PTPRA: variants seen among roughly 807,000 people sequenced by gnomAD.
PTPRA encodes receptor-type tyrosine-protein phosphatase alpha.
In PTPRA, 25 loss-of-function variants were observed where a neutral mutation model predicts 104.8. That is an observed-to-expected ratio of 0.24 (90% CI 0.17 to 0.33). PTPRA has a LOEUF of 0.33. Ranked by LOEUF, PTPRA falls within the 10% of genes least tolerant of loss-of-function variation. The pLI is 1.00. For missense variants in PTPRA, 765 were observed against 1,015.3 expected (o/e 0.75, Z 3.35); for synonymous variants, 323 against 368.9 (o/e 0.88, Z 1.43).
At chr20:3,021,044 G>A (rs939566929) in intron 13 of PTPRA, among the ~76,000 whole-genome samples, 2 of 152,192 alleles carry the variant, frequency 1.3e-5, no homozygotes, top group Non-Finnish European at 2.9e-5. Context: ...CTGAACCAAG[G>A]GAGTGTGGGT....
intron 2 of PTPRA, among the ~76,000 whole-genome samples, chr20:2,939,402 G>T (rs1477127508): frequency 6.6e-6 from 1 of 152,184 alleles, no homozygotes; most frequent in Admixed American, 6.5e-5. Context: ...AGAGGGGAAA[G>T]GCGTGCCACC....
At chr20:3,034,656 C>T (rs1402283859) in intron 20 of PTPRA, among the ~76,000 whole-genome samples, 3 of 151,960 alleles carry the variant, frequency 2.0e-5, no homozygotes, top group Non-Finnish European at 2.9e-5. Flanking sequence ...AGCACTAGTC[C>T]AGGGCATGTT....
At chr20:2,973,952 A>G (rs1348899382) in intron 5 of PTPRA, among the ~76,000 whole-genome samples, 1 of 135,358 alleles carries the variant, frequency 7.4e-6, no homozygotes, top group Non-Finnish European at 1.6e-5. Flanking sequence ...TGTTTGTCTG[A>G]TTTTTTTTTT....
intron 11 of PTPRA, among the ~76,000 whole-genome samples, chr20:3,013,655 C>T (rs1276858437): frequency 6.6e-6 from 1 of 152,064 alleles, no homozygotes; most frequent in Non-Finnish European, 1.5e-5. Flanking sequence ...AGGTGATCTG[C>T]CCACCTCGGC....
upstream of PTPRA, among the ~76,000 whole-genome samples, chr20:2,870,391 C>T (rs2089414515): frequency 1.3e-5 from 2 of 152,112 alleles, no homozygotes; most frequent in Admixed American, 1.3e-4. Context: ...AAAAAAAACT[C>T]GGGTTTGAAC....
At chr20:2,955,262 T>C (rs2061495732) in intron 3 of PTPRA, among the ~76,000 whole-genome samples, 1 of 152,254 alleles carries the variant, frequency 6.6e-6, no homozygotes, top group Non-Finnish European at 1.5e-5. Context: ...TTCATATTGT[T>C]CTTTGTGTTA....
chr20:3,021,783 C>A (rs1313556220), intron 14 of PTPRA, among the ~76,000 whole-genome samples: 1 of 152,328 alleles, frequency 6.6e-6, no homozygotes, highest in South Asian at 2.1e-4. Flanking sequence ...TGCCCCTGGC[C>A]CTCCAGGCAA....
chr20:2,866,320 G>A, the PTPRA span: 33 of 1,613,994 alleles, frequency 2.0e-5, no homozygotes, highest in South Asian at 5.5e-5. Context: ...TGTTGGGTGC[G>A]TCAACTGAGG....
chr20:2,873,569 A>G lies in PTPRA; in HGVS notation c.-320A>G, dbSNP rs534230771. Reference sequence around the variant, plus strand: ...TCGGACCCCGGCCGCTGCCGCCATCACTGTCGCCCGCCCAGTCGCCCCTCA... The same window carrying G: ...TCGGACCCCGGCCGCTGCCGCCATCGCTGTCGCCCGCCCAGTCGCCCCTCA... On this transcript the variant is annotated 5_prime_UTR_variant, in exon 1 of 24. Transcript: ENST00000399903. This position sits in a 1 kb window ranked among gnomAD's most constrained non-coding sequence, Gnocchi z 4.4. The G allele has an allele frequency of 1.4e-4, 21 of 151,320 alleles. No homozygotes were observed. Among genetic ancestry groups the G allele is most frequent in the African/African-American group, 4.8e-4 (20 of 41,332 alleles). 9.4% of individuals were successfully genotyped at this position (151,320 alleles called of 1,614,324 possible).
chr20:3,009,138 A>G (rs1220948170), intron 11 of PTPRA, among the ~76,000 whole-genome samples: 1 of 152,178 alleles, frequency 6.6e-6, no homozygotes, highest in Admixed American at 6.5e-5. Context: ...GTACTGAACA[A>G]ATGAGATGGG....
At chr20:2,988,281 A>C (rs1402471617) in intron 8 of PTPRA, 57 bp from the exon 9 acceptor site, 1 of 1,563,354 alleles carries the variant, frequency 6.4e-7, no homozygotes, top group Non-Finnish European at 8.6e-7. Context: ...TTTAGCCTCC[A>C]GAAGAGGGGC....
chr20:2,992,182 G>C (rs1056669099), intron 9 of PTPRA, among the ~76,000 whole-genome samples: 1 of 152,198 alleles, frequency 6.6e-6, no homozygotes, highest in East Asian at 1.9e-4. Flanking sequence ...ATGGGATTCT[G>C]CTGGGCATGT....
Position 2,944,335 on chromosome 20 carries a change from C to G in PTPRA, c.-49-3647C>G, listed in dbSNP as rs536749602. Among the ~76,000 whole-genome samples, 495 of 152,272 alleles carry G rather than the reference C, an allele frequency of 3.3e-3. 1 individual carries two copies. Among genetic ancestry groups the G allele is most frequent in the African/African-American group, 0.011 (458 of 41,552 alleles). On this transcript the variant is annotated intron_variant, in intron 2 of 23. Transcript: ENST00000399903. ...GGGATTACAGGCGTGAGCCACCATG[C>G]CTGGCCCCTCTGCTGGTCTTGATTG...
In PTPRA at chr20:2,921,170, C is replaced by A. The variant is rs1600113766; in HGVS notation, c.-128-2037C>A. ...GGTCTCATCTCTGAAAGCAGGAGGG[C>A]AAACTGAATGGGCTCTGTAGTCTCT... is the stretch of plus-strand genomic sequence containing the variant. On this transcript the variant is annotated intron_variant, in intron 1 of 23. Transcript: ENST00000399903. 2.0e-5 allele frequency among the ~76,000 whole-genome samples: 3 copies of A among 152,174 alleles called. No homozygotes were observed. In the South Asian group the frequency reaches 6.2e-4, roughly 32 times the overall value.
chr20:2,986,510 A>G lies in PTPRA; in HGVS notation c.443-255A>G, dbSNP rs571706674. 2.8e-4 allele frequency among the ~76,000 whole-genome samples: 42 copies of G among 152,342 alleles called. 1 individual carries two copies. Among genetic ancestry groups the G allele is most frequent in the South Asian group, 1.0e-3 (5 of 4,830 alleles). ...CTTTTATTCTAATGCAGGGAGACAG[A>G]GTAAATAAATGTATGATAGTCAGAG... On this transcript the variant is annotated intron_variant, in intron 6 of 23. Coordinates refer to ENST00000399903, the MANE Select transcript of PTPRA (RefSeq NM_001385305.1).
chr20:2,902,737 T>A (rs1416307747), intron 1 of PTPRA, among the ~76,000 whole-genome samples: 1 of 152,246 alleles, frequency 6.6e-6, no homozygotes, highest in African/African-American at 2.4e-5. Context: ...AGATTAGATT[T>A]TAATTTGAGA....
At chr20:2,897,140 T>A (rs909979069) in intron 1 of PTPRA, among the ~76,000 whole-genome samples, 25 of 152,382 alleles carry the variant, frequency 1.6e-4, no homozygotes, top group African/African-American at 6.0e-4. Context: ...TTGGTTAAGA[T>A]GTTGGCTGGC....
chr20:2,916,671 C>T (rs1380258535), intron 1 of PTPRA, among the ~76,000 whole-genome samples: 1 of 152,142 alleles, frequency 6.6e-6, no homozygotes, highest in African/African-American at 2.4e-5. Flanking sequence ...TGCCACTGCA[C>T]TCCAGCCTGG....
rs1568666031 is a variant in PTPRA at position 2,950,482 on chromosome 20, C to G, written c.-7+2458C>G. Among the ~76,000 whole-genome samples the G allele has an allele frequency of 6.9e-6, 1 of 144,140 alleles. No homozygotes were observed. Among genetic ancestry groups the G allele is most frequent in the African/African-American group, 2.5e-5 (1 of 39,500 alleles). 94.6% of individuals were successfully genotyped at this position (144,140 alleles called of 152,430 possible). A position where few individuals can be genotyped will look rare whatever the true frequency, so the allele number is the denominator to read the frequency against. The stretch of plus-strand genomic sequence containing the variant: ...TGAAACCCCGTCTCTACTAAAAATA[C>G]AAAAAAAAAAATTAGCCGGGCGTGG... On this transcript the variant is annotated intron_variant, in intron 3 of 23. Transcript: ENST00000399903. This position sits in a 1 kb window ranked among gnomAD's most constrained non-coding sequence, Gnocchi z 4.0.
Sources: allele counts gnomAD v4.1 joint callset (sites outside exome capture counted in the v4.1 genomes callset), GRCh38; gene constraint gnomAD v4.1.1; non-coding constraint Gnocchi (gnomAD v3.1); transcripts MANE v1.5; gene names NCBI Gene and HGNC (gene_info 2026-07-23, HGNC 2026-07-21).